Variants in TTC7B observed in about 807,000 individuals in gnomAD.
TTC7B encodes the protein tetratricopeptide repeat protein 7B.
In TTC7B, 28 loss-of-function variants were observed where a neutral mutation model predicts 106.8. That is an observed-to-expected ratio of 0.26 (90% confidence interval 0.19 to 0.36). The LOEUF is 0.36. TTC7B is among the 10% of genes least tolerant of loss of function. The pLI is 1.00. For synonymous variants in TTC7B, 405 were observed against 430.6 expected, an observed-to-expected ratio of 0.94 and a Z score of 0.74; for missense variants, 862 against 1,076.4, an observed-to-expected ratio of 0.80 and a Z score of 2.79.
intron 19 of TTC7B, among the ~76,000 whole-genome samples, chr14:90,547,090 C>A (rs1405122353): frequency 6.6e-6 from 1 of 152,212 alleles, no homozygotes; most frequent in East Asian, 1.9e-4. Flanking sequence ...GGGTTGGGAG[C>A]CGGCTGGGGC....
At chr14:90,785,320 A>C (rs531689131) in intron 2 of TTC7B, among the ~76,000 whole-genome samples, 1 of 152,268 alleles carries the variant, frequency 6.6e-6, no homozygotes, top group South Asian at 2.1e-4. Context: ...AGAGAAGAAA[A>C]ATGAGAAAGA....
In TTC7B at chr14:90,665,418, A is replaced by C. The variant is rs142506361; in HGVS notation, c.1153-7031T>G. ...TTCCAGTCTCTTTTTCCAGCTTTTC[A>C]TAAATCAGCCATCTCTGAGGGGGCT... On this transcript the variant is annotated intron_variant, in intron 9 of 19. Coordinates refer to ENST00000328459, the MANE Select transcript of TTC7B (RefSeq NM_001010854.2). 2.7e-3 allele frequency among the ~76,000 whole-genome samples: 409 copies of C among 152,326 alleles called. 9 individuals are homozygous for C. In the East Asian group the frequency reaches 0.057, roughly 21 times the overall value.
chr14:90,777,202 T>C (rs999217425), intron 3 of TTC7B, among the ~76,000 whole-genome samples: 4 of 152,194 alleles, frequency 2.6e-5, no homozygotes, highest in African/African-American at 4.8e-5. Flanking sequence ...ATTGTGCCAT[T>C]GCACTCCAGC....
At chr14:90,709,287 A>T (rs2139964627) in intron 5 of TTC7B, among the ~76,000 whole-genome samples, 1 of 151,354 alleles carries the variant, frequency 6.6e-6, no homozygotes, top group East Asian at 1.9e-4. Flanking sequence ...GAACCAACCC[A>T]AATGTCCAAC....
At chr14:90,740,494 C>CTTTTTTTTTTTT (rs71461924) in intron 4 of TTC7B, among the ~76,000 whole-genome samples, 1 of 78,314 alleles carries the variant, frequency 1.3e-5, no homozygotes, top group African/African-American at 4.9e-5. Context: ...AATTCTTTGA[C>CTTTTTTTTTTTT]TTTTTTTTTT....
intron 3 of TTC7B, among the ~76,000 whole-genome samples, chr14:90,748,576 G>A (rs909444697): frequency 6.6e-6 from 1 of 151,824 alleles, no homozygotes; most frequent in Non-Finnish European, 1.5e-5. Context: ...ATCTGCCCAT[G>A]TTGGCCTCCC....
chr14:90,676,603 T>C lies in TTC7B; in HGVS notation c.1072A>G (p.Ser358Gly), dbSNP rs1886849427. The change falls in exon 9 of 20, where the codon AGT becomes GGT. Residue 358 changes from serine to glycine, a missense_variant. Physicochemically the swap from Ser to Gly is moderately conservative, Grantham distance 56. Transcript: ENST00000328459. The part of the protein sequence containing the change: ...IPEHKSDRLI[S>G]LQSASVVYDL... ...TAGACCACAGATGCACTCTGCAGAC[T>C]GATGAGGCGGTCACTCTTGTGTTCA... is the stretch of plus-strand genomic sequence containing the variant. 2 of 1,614,072 alleles carry C rather than the reference T, an allele frequency of 1.2e-6. No homozygotes were observed. Among genetic ancestry groups the C allele is most frequent in the South Asian group, 2.2e-5 (2 of 91,082 alleles).
intron 1 of TTC7B, among the ~76,000 whole-genome samples, chr14:90,812,814 T>C (rs535549565): frequency 6.6e-6 from 1 of 152,312 alleles, no homozygotes; most frequent in South Asian, 2.1e-4. Flanking sequence ...TTTTCTTCCT[T>C]ATCCACCTCT....
chr14:90,816,231 T>A lies in TTC7B; in HGVS notation c.65A>T (p.Gln22Leu), dbSNP rs2140070556. The A allele has an allele frequency of 7.9e-7, 1 of 1,271,928 alleles. No homozygotes were observed. Among genetic ancestry groups the A allele is most frequent in the Non-Finnish European group, 1.0e-6 (1 of 977,074 alleles). 78.8% of individuals were successfully genotyped at this position (1,271,928 alleles called of 1,614,324 possible). A position where few individuals can be genotyped will look rare whatever the true frequency, so the allele number is the denominator to read the frequency against. The stretch of plus-strand genomic sequence containing the variant: ...GACGAGCTCAGGGATCCGCTCCCAC[T>A]GGCACTCGGAGCGGCAGCGCTCGAT... ...TEIERCRSECQWERIPELVKQ... is the reference protein window; with the variant it reads ...TEIERCRSECLWERIPELVKQ... The change falls in exon 1 of 20, where the codon CAG becomes CTG. Residue 22 changes from glutamine to leucine, a missense_variant. Transcript: ENST00000328459.
intron 5 of TTC7B, among the ~76,000 whole-genome samples, chr14:90,715,659 C>T (rs1186673381): frequency 6.6e-6 from 1 of 152,152 alleles, no homozygotes; most frequent in African/African-American, 2.4e-5. Flanking sequence ...TGCTGGTCAA[C>T]AGGAGACCAA....
In TTC7B at chr14:90,632,064, C is replaced by T. The variant is rs558016151; in HGVS notation, c.1751+11984G>A. Among the ~76,000 whole-genome samples the T allele has an allele frequency of 8.5e-5, 13 of 152,318 alleles. No homozygotes were observed. The South Asian group carries it at 2.5e-3, about 29-fold the overall frequency. Reference sequence around the variant, plus strand: ...ACTCCATTGTGACCCCTGTTGTCTTCCAGGCTGCCACCAACTCGCCTGTGT... The same window carrying T: ...ACTCCATTGTGACCCCTGTTGTCTTTCAGGCTGCCACCAACTCGCCTGTGT... On this transcript the variant is annotated intron_variant, in intron 15 of 19. Coordinates refer to ENST00000328459, the MANE Select transcript of TTC7B (RefSeq NM_001010854.2).
Position 90,624,119 on chromosome 14 carries a change from C to T in TTC7B, c.1752-6074G>A, listed in dbSNP as rs184864361. ...GTGTGCATGTGTGTGTGCGCGTGCG[C>T]GTGTGTGTGTTTTGTGACTTGTCTT... On this transcript the variant is annotated intron_variant, in intron 15 of 19. Transcript: ENST00000328459. This position sits in a 1 kb window ranked among gnomAD's most constrained non-coding sequence, Gnocchi z 4.0. Among the ~76,000 whole-genome samples the T allele has an allele frequency of 3.8e-4, 58 of 152,184 alleles. No homozygotes were observed. Among genetic ancestry groups the T allele is most frequent in the African/African-American group, 1.3e-3 (56 of 41,538 alleles).
chr14:90,724,544 C>A (rs187828170), intron 5 of TTC7B, among the ~76,000 whole-genome samples: 8 of 152,108 alleles, frequency 5.3e-5, no homozygotes, highest in Non-Finnish European at 1.2e-4. Flanking sequence ...GCGAACTGTT[C>A]GTTTAAAAGT....
At chr14:90,815,859 A>G (rs1409999563) in intron 1 of TTC7B, among the ~76,000 whole-genome samples, 1 of 150,436 alleles carries the variant, frequency 6.6e-6, no homozygotes, top group African/African-American at 2.5e-5. Flanking sequence ...CCGGCCCCTG[A>G]CCTCCTGTGG....
At position 90,534,129 on chromosome 14, in the gene TTC7B, C is replaced by T. The variant is rs148899596; in HGVS notation, c.*7239G>A. On this transcript the variant is annotated 3_prime_UTR_variant, in exon 20 of 20. Coordinates refer to ENST00000328459, the MANE Select transcript of TTC7B (RefSeq NM_001010854.2). ...CTGGAGTGGGTCCCCCACGGTGTGA[C>T]CTTGAGGGGGGGCCTCAGCCTGGCC... 5.2e-5 allele frequency: 8 copies of T among 152,416 alleles called. No individual in the cohort carries two copies. Among genetic ancestry groups the T allele is most frequent in the Admixed American group, 4.6e-4 (7 of 15,294 alleles). 9.4% of individuals were successfully genotyped at this position (152,416 alleles called of 1,614,324 possible).
At position 90,624,773 on chromosome 14, in the gene TTC7B, C is replaced by T. The variant is rs567259805; in HGVS notation, c.1752-6728G>A. Among the ~76,000 whole-genome samples, 40 of 152,300 alleles carry T rather than the reference C, an allele frequency of 2.6e-4. No individual in the cohort carries two copies. In the South Asian group the frequency reaches 7.7e-3, roughly 29 times the overall value. ...CAAAACCTTCACTAATTAGGTGATC[C>T]GTGAATGCTGCAGTCTTAGTAACTG... On this transcript the variant is annotated intron_variant, in intron 15 of 19. Transcript: ENST00000328459. This position sits in a 1 kb window ranked among gnomAD's most constrained non-coding sequence, Gnocchi z 4.0.
rs114967842 is a variant in TTC7B at position 90,812,244 on chromosome 14, C to T, written c.121+3931G>A. On this transcript the variant is annotated intron_variant, in intron 1 of 19. Transcript: ENST00000328459. ...ACAGGTAAGGTCCAAATTTTAGACC[C>T]GGTGCCAGGTCACTGCACTTTCACA... Among the ~76,000 whole-genome samples the T allele has an allele frequency of 3.5e-3, 533 of 152,230 alleles. 2 individuals carry two copies. Among genetic ancestry groups the T allele is most frequent in the African/African-American group, 0.012 (502 of 41,516 alleles).
chr14:90,547,678 T>G (rs1889896558), intron 19 of TTC7B, among the ~76,000 whole-genome samples: 1 of 152,190 alleles, frequency 6.6e-6, no homozygotes, highest in Non-Finnish European at 1.5e-5. Context: ...CACATTGTGA[T>G]CCCAGCTACT....
At chr14:90,793,036 G>A (rs1289774352) in intron 1 of TTC7B, among the ~76,000 whole-genome samples, 1 of 152,102 alleles carries the variant, frequency 6.6e-6, no homozygotes, top group Non-Finnish European at 1.5e-5. Context: ...TCATGAGGCA[G>A]TTCCCCCATG....
Sources: allele counts gnomAD v4.1 joint callset (sites outside exome capture counted in the v4.1 genomes callset), GRCh38; gene constraint gnomAD v4.1.1; non-coding constraint Gnocchi (gnomAD v3.1); transcripts MANE v1.5; gene names NCBI Gene and HGNC (gene_info 2026-07-23, HGNC 2026-07-21).